HPSE2: variants seen among roughly 807,000 people sequenced by gnomAD.
HPSE2 encodes the protein inactive heparanase-2.
Under a neutral mutation model 60.5 loss-of-function variants are expected in HPSE2, and 38 were observed. The ratio of observed to expected loss-of-function variants is 0.63; its 90% CI spans 0.48 to 0.82. The LOEUF (loss-of-function observed/expected upper bound fraction) is 0.82, where lower values mean the gene tolerates loss of function less well. Among genes scored for constraint, HPSE2 ranks in the 40% least tolerant of loss-of-function variants. HPSE2 has a pLI of 0.00. For synonymous variants in HPSE2, 295 were observed against 293.2 expected, an observed-to-expected ratio of 1.01 and a Z score of -0.06; for missense variants, 713 against 740.4, an observed-to-expected ratio of 0.96 and a Z score of 0.43.
chr10:99,294,546 A>G, the HPSE2 span, among the ~76,000 whole-genome samples: 1 of 150,544 alleles, frequency 6.6e-6, no homozygotes, highest in Non-Finnish European at 1.5e-5. Flanking sequence ...CAGCATTCAC[A>G]GGACAGAGCA....
At chr10:98,902,408 C>T (rs1400711370) in intron 3 of HPSE2, among the ~76,000 whole-genome samples, 1 of 152,008 alleles carries the variant, frequency 6.6e-6, no homozygotes, top group Non-Finnish European at 1.5e-5. Flanking sequence ...AGTTTAAAGC[C>T]CAAGATCTCA....
chr10:99,168,194 A>T (rs1326516912), intron 2 of HPSE2, among the ~76,000 whole-genome samples: 1 of 151,944 alleles, frequency 6.6e-6, no homozygotes, highest in Admixed American at 6.6e-5. Context: ...AAGATATTTC[A>T]TCTTCCTATC....
the HPSE2 span, among the ~76,000 whole-genome samples, chr10:99,299,649 G>C: frequency 1.3e-5 from 2 of 152,074 alleles, no homozygotes; most frequent in African/African-American, 4.8e-5. Context: ...TCCAGATTTC[G>C]ACCCTCAGTG....
chr10:98,576,436 A>G (rs1370874417), intron 9 of HPSE2, among the ~76,000 whole-genome samples: 1 of 152,146 alleles, frequency 6.6e-6, no homozygotes, highest in Non-Finnish European at 1.5e-5. Context: ...TGCTTTTTCA[A>G]TTATGAACAG....
At chr10:98,759,130 A>C (rs1565142658) in intron 3 of HPSE2, among the ~76,000 whole-genome samples, 1 of 152,190 alleles carries the variant, frequency 6.6e-6, no homozygotes, top group Non-Finnish European at 1.5e-5. Flanking sequence ...TTATTGCTAA[A>C]CACTGAGTAT....
At chr10:98,991,760 CA>C (rs201547025) in intron 3 of HPSE2, among the ~76,000 whole-genome samples, 3 of 148,540 alleles carry the variant, frequency 2.0e-5, no homozygotes, top group East Asian at 2.0e-4. Context: ...GCGTGGTGGA[CA>C]AAAAAAAACA....
chr10:98,712,049 A>G (rs1222386684), intron 5 of HPSE2, among the ~76,000 whole-genome samples: 2 of 152,052 alleles, frequency 1.3e-5, no homozygotes, highest in Admixed American at 1.3e-4. Context: ...AGGGGAAAGC[A>G]GGGTTGTGAG....
intron 9 of HPSE2, among the ~76,000 whole-genome samples, chr10:98,546,909 A>T (rs1220984178): frequency 6.7e-5 from 10 of 149,048 alleles, no homozygotes; most frequent in Non-Finnish European, 1.2e-4. Context: ...TACTCATCTG[A>T]CAAAGGGCTA....
intron 3 of HPSE2, among the ~76,000 whole-genome samples, chr10:98,816,171 A>G (rs1589873924): frequency 1.3e-5 from 2 of 152,292 alleles, no homozygotes; most frequent in African/African-American, 4.8e-5. Context: ...TAAAACTTAA[A>G]GTATAATAAT....
At chr10:98,855,887 T>C (rs1026266950) in intron 3 of HPSE2, among the ~76,000 whole-genome samples, 9 of 152,178 alleles carry the variant, frequency 5.9e-5, no homozygotes, top group Non-Finnish European at 1.3e-4. Flanking sequence ...TGCCTGAAGC[T>C]GAGGATGTTA....
chr10:98,480,629 G>C (rs1042779513), intron 11 of HPSE2, among the ~76,000 whole-genome samples: 4 of 152,128 alleles, frequency 2.6e-5, no homozygotes, highest in African/African-American at 7.2e-5. Context: ...TGGTTGGAGG[G>C]AAAATAAGCT....
At chr10:98,994,510 T>G (rs1265705449) in intron 3 of HPSE2, among the ~76,000 whole-genome samples, 1 of 152,210 alleles carries the variant, frequency 6.6e-6, no homozygotes, top group African/African-American at 2.4e-5. Flanking sequence ...CTATGTGGCA[T>G]GTGGTCTGCT....
intron 3 of HPSE2, among the ~76,000 whole-genome samples, chr10:98,851,345 T>C (rs888945380): frequency 2.0e-5 from 3 of 152,006 alleles, no homozygotes; most frequent in African/African-American, 7.2e-5. Context: ...ACCTCAACAG[T>C]CTCCCTTCTC....
chr10:99,183,668 C>T (rs1404174592), intron 2 of HPSE2, among the ~76,000 whole-genome samples: 1 of 152,212 alleles, frequency 6.6e-6, no homozygotes, highest in Non-Finnish European at 1.5e-5. Flanking sequence ...CCAATTAAAG[C>T]CTTCTTCCTG....
At chr10:99,300,092 T>A in the HPSE2 span, among the ~76,000 whole-genome samples, 2 of 150,920 alleles carry the variant, frequency 1.3e-5, no homozygotes, top group Admixed American at 1.3e-4. Flanking sequence ...GGCCCCCTAC[T>A]GCCTCAGGGT....
chr10:98,652,995 A>G (rs572012991), intron 6 of HPSE2, among the ~76,000 whole-genome samples: 1 of 152,316 alleles, frequency 6.6e-6, no homozygotes, highest in Non-Finnish European at 1.5e-5. Context: ...AAGGATGGCT[A>G]ATAACTAATT....
Position 98,828,813 on chromosome 10 carries a change from A to C in HPSE2, c.611-84757T>G, listed in dbSNP as rs116223127. 5.6e-3 allele frequency among the ~76,000 whole-genome samples: 850 copies of C among 152,306 alleles called. 4 individuals are homozygous for C. Among genetic ancestry groups the C allele is most frequent in the African/African-American group, 0.019 (805 of 41,552 alleles). On this transcript the variant is annotated intron_variant, in intron 3 of 11. Coordinates refer to ENST00000370552, the MANE Select transcript of HPSE2 (RefSeq NM_021828.5). The stretch of plus-strand genomic sequence containing the variant: ...TGTATAGTAGTCCTTCAAAAAATTA[A>C]AATTAGAATTACCATATGATCCAGC...
chr10:98,693,793 G>T (rs1257756351), intron 6 of HPSE2, 107 bp downstream of exon 6: 17 of 953,500 alleles, frequency 1.8e-5, no homozygotes, highest in Non-Finnish European at 2.9e-5. Context: ...TTTCCTGGAG[G>T]ATGAAGGATA....
chr10:99,300,072 G>A, the HPSE2 span, among the ~76,000 whole-genome samples: 18 of 151,180 alleles, frequency 1.2e-4, no homozygotes, highest in African/African-American at 4.4e-4. Context: ...AATTGTTAGA[G>A]GCTGCTGTGG....
Sources: allele counts gnomAD v4.1 joint callset (sites outside exome capture counted in the v4.1 genomes callset), GRCh38; gene constraint gnomAD v4.1.1; transcripts MANE v1.5; gene names NCBI Gene and HGNC (gene_info 2026-07-23, HGNC 2026-07-21).